Variants in MAP3K15 observed in about 807,000 individuals in gnomAD.
The protein encoded by MAP3K15 is mitogen-activated protein kinase kinase kinase 15, also known as MAPK/ERK kinase kinase 15.
In MAP3K15, 124 loss-of-function variants were observed where a neutral mutation model predicts 99.5. The observed-to-expected ratio is 1.25, with a 90% CI of 1.08 to 1.45. MAP3K15 has a LOEUF of 1.45. MAP3K15 is among the 40% of genes most tolerant of loss of function. The pLI, the probability that MAP3K15 is intolerant of heterozygous loss-of-function variation, is 0.00. For missense variants in MAP3K15, 1,242 were observed against 1,079.7 expected (o/e 1.15, Z -2.11); for synonymous variants, 494 against 439.6 (o/e 1.12, Z -1.55).
intron 18 of MAP3K15, among the ~76,000 whole-genome samples, chrX:19,380,637 C>T (rs1277438783): frequency 9.0e-6 from 1 of 111,665 alleles, no homozygotes; most frequent in African/African-American, 3.3e-5. Context: ...GCGATTCTCA[C>T]GCCATAGCCA....
intron 6 of MAP3K15, among the ~76,000 whole-genome samples, chrX:19,439,758 A>T (rs1207693164): frequency 8.9e-6 from 1 of 112,246 alleles, no homozygotes; most frequent in East Asian, 2.8e-4. Flanking sequence ...CATGAGTCAC[A>T]GTGCCCGGCC....
At chrX:19,411,377 C>T (rs749629371) in intron 11 of MAP3K15, among the ~76,000 whole-genome samples, 1 of 111,781 alleles carries the variant, frequency 8.9e-6, no homozygotes, top group South Asian at 3.7e-4. Flanking sequence ...AGATGGTTTC[C>T]GATGGGAGAA....
chrX:19,360,613 C>A lies in MAP3K15; in HGVS notation c.*136G>T. 2.1e-6 allele frequency: 1 copy of A among 482,376 alleles called. No individual in the cohort carries two copies. The allele number at this position is 482,376 out of a possible 1,213,427, so 39.8% of individuals were successfully genotyped here. ...AAGAAACTCAGGACAGTATTTAAAACAAGTTCTTAAACTATTAATTGAACA... is the reference window on the plus strand; with the variant it reads ...AAGAAACTCAGGACAGTATTTAAAAAAAGTTCTTAAACTATTAATTGAACA... On this transcript the variant is annotated 3_prime_UTR_variant, in exon 29 of 29. Coordinates refer to ENST00000338883, the MANE Select transcript of MAP3K15 (RefSeq NM_001001671.4).
At chrX:19,412,358 C>CA (rs1303715392) in intron 11 of MAP3K15, among the ~76,000 whole-genome samples, 1 of 112,344 alleles carries the variant, frequency 8.9e-6, no homozygotes, top group Non-Finnish European at 1.9e-5. Context: ...CATGTATGGG[C>CA]ATTCTTAGGA....
At chrX:19,418,821 C>A (rs1459800550) in intron 9 of MAP3K15, among the ~76,000 whole-genome samples, 9 of 112,176 alleles carry the variant, frequency 8.0e-5, no homozygotes, top group Non-Finnish European at 1.5e-4. Flanking sequence ...GGAAGCCCAT[C>A]AGACTAACAG....
chrX:19,434,137 G>C (rs2063905013), intron 6 of MAP3K15, among the ~76,000 whole-genome samples: 2 of 111,938 alleles, frequency 1.8e-5, no homozygotes. Context: ...TCATTGCTGG[G>C]ATTTATACAA....
chrX:19,378,683 C>T (rs1182403608), intron 19 of MAP3K15, among the ~76,000 whole-genome samples: 2 of 111,343 alleles, frequency 1.8e-5, no homozygotes, highest in Non-Finnish European at 3.8e-5. Context: ...ACATCAAGCC[C>T]CTTACATGTT....
chrX:19,379,559 T>C (rs1234959733), intron 19 of MAP3K15, among the ~76,000 whole-genome samples: 1 of 106,157 alleles, frequency 9.4e-6, no homozygotes, highest in Non-Finnish European at 1.9e-5. Context: ...GCGATTCTCC[T>C]GTTTCAGTCT....
chrX:19,373,532 G>A lies in MAP3K15; in HGVS notation c.2933+4C>T. 1.7e-6 allele frequency: 2 copies of A among 1,168,797 alleles called. No homozygotes were observed. The highest frequency in any genetic ancestry group is 1.9e-5 in the South Asian group (1 of 52,785). On this transcript the variant is annotated splice_donor_region_variant and intron_variant, in intron 21 of 28. Coordinates refer to ENST00000338883, the MANE Select transcript of MAP3K15 (RefSeq NM_001001671.4). ...CGCGGCAGACAGACAGAATACGGGT[G>A]TACCTGAGGAGGTGGCCAAGGTGGT...
intron 6 of MAP3K15, among the ~76,000 whole-genome samples, chrX:19,446,064 C>T (rs1308804797): frequency 4.5e-5 from 5 of 112,066 alleles, no homozygotes; most frequent in African/African-American, 1.6e-4. Flanking sequence ...GAAAATTTGG[C>T]ATTTGGCCGT....
intron 6 of MAP3K15, among the ~76,000 whole-genome samples, chrX:19,447,414 G>T (rs1281621852): frequency 2.0e-3 from 229 of 111,760 alleles, no homozygotes; most frequent in Non-Finnish European, 3.7e-3. Flanking sequence ...TAAGAGCTGT[G>T]ATATACTACA....
intron 9 of MAP3K15, among the ~76,000 whole-genome samples, chrX:19,417,428 C>G (rs1230499791): frequency 8.9e-6 from 1 of 112,090 alleles, no homozygotes. Flanking sequence ...GTCCTACGCC[C>G]AGAGCCTCAC....
intron 6 of MAP3K15, among the ~76,000 whole-genome samples, chrX:19,443,419 A>G (rs2063974231): frequency 8.9e-6 from 1 of 111,739 alleles, no homozygotes; most frequent in African/African-American, 3.3e-5. Flanking sequence ...AGTATACACC[A>G]TGGCCCCTGC....
chrX:19,450,935 G>A (rs2064032702), intron 6 of MAP3K15, among the ~76,000 whole-genome samples: 1 of 109,149 alleles, frequency 9.2e-6, no homozygotes, highest in South Asian at 4.0e-4. Flanking sequence ...GTATACATGT[G>A]GCAAGGATTT....
chrX:19,377,192 T>C (rs1727860613), intron 19 of MAP3K15, among the ~76,000 whole-genome samples: 2 of 112,718 alleles, frequency 1.8e-5, no homozygotes, highest in Non-Finnish European at 3.7e-5. Context: ...ACTTATTTAA[T>C]AATAACTTTC....
At chrX:19,377,030 G>T (rs752067399) in intron 19 of MAP3K15, among the ~76,000 whole-genome samples, 1 of 111,944 alleles carries the variant, frequency 8.9e-6, no homozygotes, top group South Asian at 3.7e-4. Flanking sequence ...CTGGGGGTTA[G>T]GACTTCCATA....
intron 6 of MAP3K15, among the ~76,000 whole-genome samples, chrX:19,452,764 C>T (rs754459830): frequency 2.7e-5 from 3 of 112,381 alleles, no homozygotes; most frequent in Admixed American, 1.9e-4. Context: ...GTTCAACCAG[C>T]GGCCCATATG....
In MAP3K15 at chrX:19,371,357, T is replaced by C; in HGVS notation, c.3282A>G (p.Gly1094=). The part of the protein sequence containing the change: ...SISQIHLVLF[G]FQDAVNKILR... ...ATGGAGCACTTACGGCATCCTGAAA[T>C]CCGAACAGCACCAGGTGAATCTGAC... The change falls in exon 23 of 29, where the codon GGA becomes GGG. Residue 1094 remains glycine (G), a synonymous_variant. Transcript: ENST00000338883. 1 of 1,205,538 alleles carries C rather than the reference T, an allele frequency of 8.3e-7. No individual in the cohort carries two copies. Among genetic ancestry groups the C allele is most frequent in the African/African-American group, 1.7e-5 (1 of 57,500 alleles).
intron 6 of MAP3K15, among the ~76,000 whole-genome samples, chrX:19,446,852 C>CT (rs2147336113): frequency 9.0e-6 from 1 of 110,895 alleles, no homozygotes; most frequent in African/African-American, 3.3e-5. Flanking sequence ...CCTTCCCTTC[C>CT]TTTTTTTAAA....
Sources: gnomAD v4.1 joint callset for allele counts (sites outside exome capture counted in the v4.1 genomes callset) on GRCh38, gnomAD v4.1.1 for gene constraint, MANE v1.5 for transcripts, NCBI Gene and HGNC (gene_info 2026-07-23, HGNC 2026-07-21) for gene names.